Variants in MAGI2 observed in about 807,000 individuals in gnomAD.
MAGI2 encodes membrane-associated guanylate kinase, WW and PDZ domain-containing protein 2.
A neutral mutation model predicts 133.3 loss-of-function variants in MAGI2; 35 were observed. That is an observed-to-expected ratio of 0.26 (90% CI 0.20 to 0.35). The LOEUF is 0.35. Ranked by LOEUF, MAGI2 falls within the 10% of genes least tolerant of loss-of-function variation. The pLI is 1.00. For missense variants in MAGI2, 1,636 were observed against 1,863.4 expected, an observed-to-expected ratio of 0.88 and a Z score of 2.25; for synonymous variants, 729 against 710.6, an observed-to-expected ratio of 1.03 and a Z score of -0.41.
In MAGI2 at chr7:78,444,213, CAGTT is replaced by C. The variant is rs1230440897; in HGVS notation, c.1045+45544_1045+45547del. On this transcript the variant is annotated intron_variant, in intron 6 of 21. Coordinates refer to ENST00000354212, the MANE Select transcript of MAGI2 (RefSeq NM_012301.4). ...ACAAATTTAGTAATCATAAACAACT[CAGTT>C]AGTTGGCTATATGTATATGGCTTTA... Among the ~76,000 whole-genome samples the C allele has an allele frequency of 3.9e-5, 6 of 152,048 alleles. No homozygotes were observed. The South Asian group carries it at 6.2e-4, about 16-fold the overall frequency.
chr7:79,089,930 C>T (rs10247631), intron 1 of MAGI2, among the ~76,000 whole-genome samples: 8,213 of 151,806 alleles, frequency 0.054, 734 homozygotes, highest in African/African-American at 0.18. Context: ...CACCATGGCA[C>T]GTGTATACCT....
At chr7:78,285,639 A>C (rs1796068766) in intron 9 of MAGI2, 1 of 152,130 alleles carries the variant, frequency 6.6e-6, no homozygotes, top group Non-Finnish European at 1.5e-5. Context: ...CCTAACCATT[A>C]CCTTTAACTG....
At chr7:78,121,036 C>T (rs1820418107) in intron 20 of MAGI2, among the ~76,000 whole-genome samples, 1 of 146,226 alleles carries the variant, frequency 6.8e-6, no homozygotes, top group East Asian at 2.0e-4. Flanking sequence ...GATGCTGTGA[C>T]ATGTGGTTAT....
intron 2 of MAGI2, among the ~76,000 whole-genome samples, chr7:78,922,041 A>G (rs1799270236): frequency 6.6e-6 from 1 of 152,100 alleles, no homozygotes; most frequent in Non-Finnish European, 1.5e-5. Flanking sequence ...CCTACGTTAG[A>G]CTGAGATTAT....
chr7:79,117,201 G>A (rs528526123), intron 1 of MAGI2, among the ~76,000 whole-genome samples: 220 of 152,162 alleles, frequency 1.4e-3, no homozygotes, highest in African/African-American at 5.2e-3. Context: ...TCAACTAATA[G>A]ATAGTTGTTA....
chr7:79,116,472 T>C (rs998979375), intron 1 of MAGI2, among the ~76,000 whole-genome samples: 1 of 152,174 alleles, frequency 6.6e-6, no homozygotes, highest in African/African-American at 2.4e-5. Flanking sequence ...GGGAGGCCTA[T>C]TGCTCCTTTC....
At chr7:78,274,575 T>A (rs1027423365) in intron 9 of MAGI2, among the ~76,000 whole-genome samples, 4 of 151,752 alleles carry the variant, frequency 2.6e-5, no homozygotes, top group Admixed American at 6.6e-5. Context: ...CCCAGGGAGA[T>A]GGGGGTTTTA....
At chr7:79,170,527 G>A (rs1025212284) in intron 1 of MAGI2, among the ~76,000 whole-genome samples, 2 of 151,988 alleles carry the variant, frequency 1.3e-5, no homozygotes, top group African/African-American at 2.4e-5. Context: ...ATTTTATAGA[G>A]ACTATTGTTA....
At chr7:79,054,121 G>A (rs1037159516) in intron 1 of MAGI2, among the ~76,000 whole-genome samples, 4 of 152,192 alleles carry the variant, frequency 2.6e-5, no homozygotes, top group African/African-American at 7.2e-5. Flanking sequence ...GCTTGAACCC[G>A]GGAGGCAGAG....
intron 1 of MAGI2, among the ~76,000 whole-genome samples, chr7:79,100,538 C>T (rs1412737394): frequency 6.6e-6 from 1 of 151,204 alleles, no homozygotes; most frequent in South Asian, 2.1e-4. Context: ...GTGTATATCT[C>T]TTTATTCATT....
intron 12 of MAGI2, among the ~76,000 whole-genome samples, chr7:78,191,089 G>T (rs1380330394): frequency 6.6e-6 from 1 of 152,028 alleles, no homozygotes; most frequent in Non-Finnish European, 1.5e-5. Context: ...AATGACTTAG[G>T]GTCAATGTTT....
intron 6 of MAGI2, chr7:78,487,049 G>A (rs1793097478): frequency 2.1e-6 from 1 of 483,986 alleles, no homozygotes; most frequent in African/African-American, 1.9e-5. Context: ...ATACACTGAG[G>A]CAGGGCAGAG....
chr7:79,017,487 A>T (rs193202234), intron 1 of MAGI2, among the ~76,000 whole-genome samples: 157 of 152,388 alleles, frequency 1.0e-3, no homozygotes, highest in African/African-American at 3.6e-3. Flanking sequence ...AAGATGAGAA[A>T]GAACCAGCAC....
intron 1 of MAGI2, among the ~76,000 whole-genome samples, chr7:79,159,068 T>C (rs1824093934): frequency 1.3e-5 from 2 of 152,040 alleles, no homozygotes; most frequent in South Asian, 4.1e-4. Context: ...GAAAGTTAAA[T>C]CTATAAAGAA....
intron 2 of MAGI2, among the ~76,000 whole-genome samples, chr7:78,656,412 T>C (rs1408529206): frequency 6.6e-6 from 1 of 152,158 alleles, no homozygotes; most frequent in South Asian, 2.1e-4. Context: ...TGGAGGACAT[T>C]ATGCTAAGTG....
chr7:78,319,935 A>T (rs897484579), intron 9 of MAGI2, among the ~76,000 whole-genome samples: 1 of 152,256 alleles, frequency 6.6e-6, no homozygotes, highest in Non-Finnish European at 1.5e-5. Context: ...AAATATGATA[A>T]AGGGGATATC....
intron 2 of MAGI2, among the ~76,000 whole-genome samples, chr7:78,714,460 CTG>C (rs1297741862): frequency 1.3e-5 from 2 of 152,144 alleles, no homozygotes; most frequent in African/African-American, 4.8e-5. Context: ...TGTGAAATCT[CTG>C]TGTGTTCTCC....
chr7:78,681,312 G>T lies in MAGI2; in HGVS notation c.419-54073C>A, dbSNP rs190095333. On this transcript the variant is annotated intron_variant, in intron 2 of 21. Coordinates refer to ENST00000354212, the MANE Select transcript of MAGI2 (RefSeq NM_012301.4). Reference sequence around the variant, plus strand: ...AGGGAAAAGTCAATACTTTTCTTTGGTATATTTCAAATAGACTTATACTTT... The same window carrying T: ...AGGGAAAAGTCAATACTTTTCTTTGTTATATTTCAAATAGACTTATACTTT... Among the ~76,000 whole-genome samples, 20 of 152,080 alleles carry T rather than the reference G, an allele frequency of 1.3e-4. No homozygotes were observed. In the East Asian group the frequency reaches 3.7e-3, roughly 28 times the overall value.
intron 2 of MAGI2, among the ~76,000 whole-genome samples, chr7:78,745,496 T>G (rs1023073345): frequency 3.3e-5 from 5 of 152,096 alleles, no homozygotes; most frequent in African/African-American, 1.2e-4. Context: ...TCAAGGTGTG[T>G]GCTTTCTAAT....
Sources: allele counts gnomAD v4.1 joint callset (sites outside exome capture counted in the v4.1 genomes callset), GRCh38; gene constraint gnomAD v4.1.1; transcripts MANE v1.5; gene names NCBI Gene and HGNC (gene_info 2026-07-23, HGNC 2026-07-21).